The following WDFY3 variants were observed in gnomAD, a reference collection of about 807,000 sequenced individuals.
The protein encoded by WDFY3 is WD repeat and FYVE domain containing 3, also known as WD repeat and FYVE domain-containing protein 3.
Under a neutral mutation model 409.6 loss-of-function variants are expected in WDFY3, and 66 were observed. That is an observed-to-expected ratio of 0.16 (90% CI 0.13 to 0.20). The LOEUF (loss-of-function observed/expected upper bound fraction) is 0.20, where lower values mean the gene tolerates loss of function less well. Ranked by LOEUF, WDFY3 falls within the 10% of genes least tolerant of loss-of-function variation. WDFY3 has a pLI of 1.00. For missense variants in WDFY3, 3,031 were observed against 4,298.1 expected (o/e 0.71, Z 8.24); for synonymous variants, 1,521 against 1,537.1 (o/e 0.99, Z 0.25).
chr4:84,915,046 T>A (rs1768294506), intron 2 of WDFY3, among the ~76,000 whole-genome samples: 1 of 152,128 alleles, frequency 6.6e-6, no homozygotes, highest in Admixed American at 6.5e-5. Flanking sequence ...CTTGAAAAGA[T>A]TATACTAAGT....
chr4:84,868,025 C>A (rs577386432), intron 3 of WDFY3, among the ~76,000 whole-genome samples: 23 of 151,462 alleles, frequency 1.5e-4, no homozygotes, highest in African/African-American at 5.1e-4. Flanking sequence ...AAAAATTAGC[C>A]GGGGATGGTG....
At chr4:84,673,041 C>T (rs1725673021) in intron 67 of WDFY3, 50 bp from the exon 68 acceptor site, 1 of 1,608,244 alleles carries the variant, frequency 6.2e-7, no homozygotes. Context: ...CATGCTTGAT[C>T]ATGGGCACCG....
In WDFY3 at chr4:84,817,117, T is replaced by C. The variant is rs993829060; in HGVS notation, c.1887+275A>G. Among the ~76,000 whole-genome samples, 13 of 152,198 alleles carry C rather than the reference T, an allele frequency of 8.5e-5. No individual in the cohort carries two copies. In the South Asian group the frequency reaches 2.1e-3, roughly 24 times the overall value. On this transcript the variant is annotated intron_variant, in intron 13 of 67. Transcript: ENST00000295888. ...CTGATCAGAAAATACATATATTTAG[T>C]ATTAATTAAGATCCTATACTTCACT...
At position 84,765,841 on chromosome 4, in the gene WDFY3, A is replaced by G; in HGVS notation, c.5157T>C (p.Ser1719=). The change falls in exon 32 of 68, where the codon TCT becomes TCC. Residue 1719 remains serine, a synonymous_variant. Coordinates refer to ENST00000295888, the MANE Select transcript of WDFY3 (RefSeq NM_014991.6). The part of the protein sequence containing the change: ...SGGGWLEQTD[S]VLTNKIGTVL... ...CAGTTCCAATCTTATTAGTTAAGAC[A>G]GAATCTGTCTGTTCAAGCCATCCTC... is the stretch of plus-strand genomic sequence containing the variant. The G allele has an allele frequency of 1.2e-6, 2 of 1,613,944 alleles. No individual in the cohort carries two copies. Among genetic ancestry groups the G allele is most frequent in the South Asian group, 2.2e-5 (2 of 91,080 alleles).
At chr4:84,957,410 G>A (rs1774379474) in intron 1 of WDFY3, among the ~76,000 whole-genome samples, 1 of 152,038 alleles carries the variant, frequency 6.6e-6, no homozygotes, top group African/African-American at 2.4e-5. Flanking sequence ...ACAAAAATGA[G>A]GGGTAAGTGA....
intron 15 of WDFY3, among the ~76,000 whole-genome samples, chr4:84,806,894 G>A (rs536601773): frequency 9.9e-5 from 15 of 152,208 alleles, no homozygotes; most frequent in Admixed American, 9.2e-4. Context: ...ACAGGTGCGA[G>A]CCACCGCACC....
At chr4:84,930,935 T>A (rs1435729363) in intron 2 of WDFY3, among the ~76,000 whole-genome samples, 1 of 152,204 alleles carries the variant, frequency 6.6e-6, no homozygotes, top group Non-Finnish European at 1.5e-5. Flanking sequence ...TTATATACAG[T>A]AAGATATTTT....
chr4:84,776,020 A>C (rs1009237113), intron 27 of WDFY3, among the ~76,000 whole-genome samples: 1 of 152,084 alleles, frequency 6.6e-6, no homozygotes, highest in East Asian at 1.9e-4. Context: ...AAAGGAATAA[A>C]GAATGCTATA....
At chr4:84,884,173 A>G (rs1162356436) in intron 3 of WDFY3, among the ~76,000 whole-genome samples, 1 of 152,186 alleles carries the variant, frequency 6.6e-6, no homozygotes, top group East Asian at 1.9e-4. Flanking sequence ...GTTTATGCAT[A>G]TATTTATGTT....
At chr4:84,714,238 A>C (rs905859537) in intron 50 of WDFY3, among the ~76,000 whole-genome samples, 27 of 152,138 alleles carry the variant, frequency 1.8e-4, no homozygotes, top group African/African-American at 5.8e-4. Context: ...CTCCCACCTC[A>C]ACCTGCCATT....
At chr4:84,853,621 G>A (rs1759346877) in intron 4 of WDFY3, among the ~76,000 whole-genome samples, 1 of 152,170 alleles carries the variant, frequency 6.6e-6, no homozygotes, top group Non-Finnish European at 1.5e-5. Flanking sequence ...CTCATTTCTT[G>A]AACAGTTGTT....
At position 84,836,977 on chromosome 4, in the gene WDFY3, C is replaced by T; in HGVS notation, c.528G>A (p.Glu176=). The change falls in exon 7 of 68, where the codon GAG becomes GAA. Residue 176 remains glutamate (E), a synonymous_variant. Coordinates refer to ENST00000295888, the MANE Select transcript of WDFY3 (RefSeq NM_014991.6). ...VPEAVGGAQN[E]LPLAERRGLL... ...GTCCTCGACGTTCTGCTAGAGGTAG[C>T]TCATTCTGTGCACCTCCAACTGCCT... 6.3e-7 allele frequency: 1 copy of T among 1,595,930 alleles called. No individual in the cohort carries two copies. The highest frequency in any genetic ancestry group is 8.5e-7 in the Non-Finnish European group (1 of 1,171,430).
intron 3 of WDFY3, among the ~76,000 whole-genome samples, chr4:84,891,800 T>A (rs374972206): frequency 6.6e-6 from 1 of 152,148 alleles, no homozygotes; most frequent in Non-Finnish European, 1.5e-5. Flanking sequence ...TAGGGAAGCA[T>A]AACTACATCT....
chr4:84,821,469 G>GGAA lies in WDFY3; in HGVS notation c.1205_1206insTTC (p.Ile402_Ile403insSer), dbSNP rs1560846205. 1 of 1,613,860 alleles carries GGAA rather than the reference G, an allele frequency of 6.2e-7. No individual in the cohort carries two copies. Among genetic ancestry groups the GGAA allele is most frequent in the Admixed American group, 1.7e-5 (1 of 59,966 alleles). On this transcript the variant is annotated inframe_insertion, in exon 11 of 68. Transcript: ENST00000295888. The stretch of plus-strand genomic sequence containing the variant: ...AAATATTTGTGATAGCATCAAGGAT[G>GGAA]ATTTGGGCAAGGAAGCTGGTTTTTG...
chr4:84,871,647 CT>C (rs1250717021), intron 3 of WDFY3, among the ~76,000 whole-genome samples: 13 of 146,470 alleles, frequency 8.9e-5, no homozygotes, highest in Admixed American at 2.7e-4. Flanking sequence ...TTTCTTTTTT[CT>C]TTTTTTGAGA....
At chr4:84,770,997 A>T (rs888371682) in intron 30 of WDFY3, among the ~76,000 whole-genome samples, 17 of 152,242 alleles carry the variant, frequency 1.1e-4, no homozygotes, top group Admixed American at 8.5e-4. Context: ...TCAACTTGGC[A>T]TATCAAAAGA....
At chr4:84,674,464 G>A (rs549299831) in intron 67 of WDFY3, among the ~76,000 whole-genome samples, 53 of 152,202 alleles carry the variant, frequency 3.5e-4, no homozygotes, top group African/African-American at 1.3e-3. Context: ...CAGCTACTTG[G>A]AAGGCTGAGG....
chr4:84,711,110 C>A lies in WDFY3; in HGVS notation c.8043-1763G>T, dbSNP rs952413826. Among the ~76,000 whole-genome samples the A allele has an allele frequency of 5.9e-5, 9 of 152,168 alleles. No individual in the cohort carries two copies. The East Asian group carries it at 1.5e-3, about 26-fold the overall frequency. ...GCATGTTCTAATAATTAATTTACAG[C>A]CCCAAAGCACTGCTTCTTTCCAGTC... On this transcript the variant is annotated intron_variant, in intron 51 of 67. Transcript: ENST00000295888.
At chr4:84,706,991 T>C (rs955106719) in intron 53 of WDFY3, among the ~76,000 whole-genome samples, 6 of 148,898 alleles carry the variant, frequency 4.0e-5, no homozygotes, top group African/African-American at 1.2e-4. Context: ...CAGGCTGGAG[T>C]GCAGTGGCAC....
Sources: allele counts gnomAD v4.1 joint callset (sites outside exome capture counted in the v4.1 genomes callset), GRCh38; gene constraint gnomAD v4.1.1; transcripts MANE v1.5; gene names NCBI Gene and HGNC (gene_info 2026-07-23, HGNC 2026-07-21).